Variants in HYAL4 observed in about 807,000 individuals in gnomAD.
HYAL4 encodes hyaluronidase 4, also known as hyaluronidase-4.
HYAL4 carries 37 observed loss-of-function variants against 35.2 expected under a neutral mutation model. The observed-to-expected ratio is 1.05, with a 90% confidence interval of 0.81 to 1.38. HYAL4 has a LOEUF of 1.38. Among genes scored for constraint, HYAL4 ranks in the 40% most tolerant of loss-of-function variants. The probability of loss-of-function intolerance (pLI) is 0.00; values close to 1 mark genes in which losing one functional copy is unlikely to be tolerated. For missense variants in HYAL4, 572 were observed against 572.4 expected, an observed-to-expected ratio of 1.00 and a Z score of 0.01; for synonymous variants, 198 against 203.2, an observed-to-expected ratio of 0.97 and a Z score of 0.22.
intron 2 of HYAL4, among the ~76,000 whole-genome samples, chr7:123,860,629 C>T (rs78628204): frequency 6.6e-6 from 1 of 152,036 alleles, no homozygotes; most frequent in African/African-American, 2.4e-5. Flanking sequence ...TCTTATGTGG[C>T]CTTTGCCTTA....
chr7:123,824,594 C>T (rs565139561), upstream of HYAL4, among the ~76,000 whole-genome samples: 74 of 152,194 alleles, frequency 4.9e-4, no homozygotes, highest in African/African-American at 1.3e-3. Context: ...CCTTCACCCC[C>T]GCACATGACA....
At chr7:123,838,643 T>C (rs1161403488) in intron 1 of HYAL4, among the ~76,000 whole-genome samples, 1 of 152,180 alleles carries the variant, frequency 6.6e-6, no homozygotes, top group East Asian at 1.9e-4. Flanking sequence ...ATGAATTTCC[T>C]GGTTGTTCCT....
chr7:123,816,426 A>G, the HYAL4 span, among the ~76,000 whole-genome samples: 1 of 152,120 alleles, frequency 6.6e-6, no homozygotes, highest in African/African-American at 2.4e-5. Context: ...ATATTTATTC[A>G]TTGAGAAATT....
intron 2 of HYAL4, among the ~76,000 whole-genome samples, chr7:123,854,514 C>T (rs1806385558): frequency 2.0e-5 from 3 of 152,114 alleles, no homozygotes; most frequent in Admixed American, 1.3e-4. Flanking sequence ...GTTCAGTTCC[C>T]ACGTAGTTGT....
chr7:123,808,235 G>A, the HYAL4 span, among the ~76,000 whole-genome samples: 1 of 151,828 alleles, frequency 6.6e-6, no homozygotes, highest in African/African-American at 2.4e-5. Context: ...TTTTTTACTG[G>A]GTCCTAGGTT....
At chr7:123,795,583 C>T in the HYAL4 span, among the ~76,000 whole-genome samples, 2 of 152,098 alleles carry the variant, frequency 1.3e-5, no homozygotes, top group Admixed American at 6.5e-5. Flanking sequence ...GCTTTCCCCC[C>T]TTTTGATCAA....
intron 2 of HYAL4, among the ~76,000 whole-genome samples, chr7:123,857,693 C>G (rs139345199): frequency 0.058 from 7,170 of 124,262 alleles, 236 homozygotes; most frequent in Middle Eastern, 0.082. Flanking sequence ...TTCTTTCTTT[C>G]TTTCTTTCTT....
chr7:123,863,361 A>G (rs1462429035), intron 2 of HYAL4, among the ~76,000 whole-genome samples: 51 of 152,170 alleles, frequency 3.4e-4, no homozygotes, highest in Non-Finnish European at 4.4e-5. Context: ...TCAGTGTTCC[A>G]AAGACCACCA....
At chr7:123,848,353 A>T (rs1806220645) in intron 2 of HYAL4, among the ~76,000 whole-genome samples, 195 bp downstream of exon 2, 1 of 152,188 alleles carries the variant, frequency 6.6e-6, no homozygotes, top group Admixed American at 6.6e-5. Flanking sequence ...TAAAATACAC[A>T]TTTGTCACTG....
chr7:123,807,432 G>GTTTTTTTTTTTTTTT, the HYAL4 span, among the ~76,000 whole-genome samples: 2 of 120,770 alleles, frequency 1.7e-5, no homozygotes, highest in African/African-American at 3.1e-5. Flanking sequence ...ACTTTTTATG[G>GTTTTTTTTTTTTTTT]TTTTTTTTTT....
the HYAL4 span, among the ~76,000 whole-genome samples, chr7:123,773,278 G>A: frequency 3.9e-5 from 6 of 152,106 alleles, no homozygotes; most frequent in Non-Finnish European, 7.4e-5. Flanking sequence ...ATAAACTGTG[G>A]TTTATCAGAT....
chr7:123,853,782 G>T (rs968636184), intron 2 of HYAL4, among the ~76,000 whole-genome samples: 2 of 152,158 alleles, frequency 1.3e-5, no homozygotes, highest in Non-Finnish European at 2.9e-5. Context: ...CTATGGTTTG[G>T]AATAATTTCT....
the HYAL4 span, among the ~76,000 whole-genome samples, chr7:123,774,915 G>C: frequency 6.6e-6 from 1 of 152,148 alleles, no homozygotes; most frequent in Non-Finnish European, 1.5e-5. Context: ...CTCTGGGTTA[G>C]GTATCTCTTC....
At chr7:123,845,108 A>G (rs974733148), upstream of HYAL4, 18 of 151,142 alleles carry the variant, frequency 1.2e-4, no homozygotes, top group African/African-American at 4.1e-4. Context: ...TTCTGCGTCG[A>G]TCATGCTGGG....
At chr7:123,771,423 C>G in the HYAL4 span, among the ~76,000 whole-genome samples, 1 of 151,942 alleles carries the variant, frequency 6.6e-6, no homozygotes, top group African/African-American at 2.4e-5. Context: ...GCTGTCTGTG[C>G]GTTGGATGTT....
chr7:123,873,447 T>G (rs1475474877), intron 3 of HYAL4, among the ~76,000 whole-genome samples: 1 of 152,148 alleles, frequency 6.6e-6, no homozygotes, highest in Non-Finnish European at 1.5e-5. Context: ...TAAAACCTTT[T>G]TTTGAGTGTT....
upstream of HYAL4, among the ~76,000 whole-genome samples, chr7:123,844,810 G>A (rs1180294778): frequency 6.6e-6 from 1 of 152,168 alleles, no homozygotes; most frequent in South Asian, 2.1e-4. Flanking sequence ...GAGTGAGCAA[G>A]GCTCTGTGGG....
chr7:123,798,765 C>T, the HYAL4 span, among the ~76,000 whole-genome samples: 7 of 152,128 alleles, frequency 4.6e-5, no homozygotes, highest in Admixed American at 1.3e-4. Context: ...GCAGATTTCT[C>T]GTTTCTCTTT....
rs752467127 is a variant in HYAL4, at chr7:123,868,689, G to A, written c.416G>A (p.Ser139Asn). The change falls in exon 3 of 5, where the codon AGT (serine) becomes AAT (asparagine). Residue 139 changes from serine to asparagine, a missense_variant. Physicochemically the swap from Ser to Asn is conservative, Grantham distance 46. Coordinates refer to ENST00000223026, the MANE Select transcript of HYAL4 (RefSeq NM_012269.3). ...INYYIPAEDF[S>N]GLAVIDWEYW... The stretch of plus-strand genomic sequence containing the variant: ...TATTACATCCCTGCTGAAGATTTCA[G>A]TGGACTTGCTGTTATAGATTGGGAA... The A allele has an allele frequency of 6.2e-6, 10 of 1,613,754 alleles. No individual in the cohort carries two copies. The highest frequency in any genetic ancestry group is 8.5e-6 in the Non-Finnish European group (10 of 1,179,948).
Sources: allele counts gnomAD v4.1 joint callset (sites outside exome capture counted in the v4.1 genomes callset), GRCh38; gene constraint gnomAD v4.1.1; transcripts MANE v1.5; gene names NCBI Gene and HGNC (gene_info 2026-07-23, HGNC 2026-07-21).